Variants in JAM2 observed in about 807,000 individuals in gnomAD.
JAM2 encodes junctional adhesion molecule B.
JAM2 carries 17 observed loss-of-function variants against 42.0 expected under a neutral mutation model. That is an observed-to-expected ratio of 0.40 (90% CI 0.28 to 0.61). The LOEUF is 0.61. Among genes scored for constraint, JAM2 ranks in the 20% least tolerant of loss-of-function variants. The probability of loss-of-function intolerance (pLI) is 0.37; values close to 1 mark genes in which losing one functional copy is unlikely to be tolerated. For synonymous variants in JAM2, 118 were observed against 128.6 expected (o/e 0.92, Z 0.56); for missense variants, 319 against 358.3 (o/e 0.89, Z 0.89).
intron 4 of JAM2, among the ~76,000 whole-genome samples, chr21:25,696,143 C>T (rs540007135): frequency 2.0e-4 from 31 of 152,246 alleles, no homozygotes; most frequent in Admixed American, 1.6e-3. Flanking sequence ...CCCGGCACCT[C>T]GGGAGGCCGA....
At chr21:25,686,956 G>A (rs2033764656) in intron 2 of JAM2, among the ~76,000 whole-genome samples, 2 of 152,188 alleles carry the variant, frequency 1.3e-5, no homozygotes, top group Non-Finnish European at 2.9e-5. Flanking sequence ...TAGATATTTT[G>A]GCAATGAAAT....
At chr21:25,646,176 C>T (rs1262158653) in intron 1 of JAM2, among the ~76,000 whole-genome samples, 1 of 152,112 alleles carries the variant, frequency 6.6e-6, no homozygotes, top group Non-Finnish European at 1.5e-5. Context: ...ATCTGTGGGA[C>T]CACTGATATG....
chr21:25,680,704 G>C (rs1443485532), intron 1 of JAM2, among the ~76,000 whole-genome samples: 1 of 152,210 alleles, frequency 6.6e-6, no homozygotes, highest in African/African-American at 2.4e-5. Flanking sequence ...ATAAATGCTA[G>C]TTGGGTCAAT....
intron 4 of JAM2, among the ~76,000 whole-genome samples, chr21:25,697,203 C>A (rs1207498679): frequency 1.3e-5 from 2 of 152,174 alleles, no homozygotes; most frequent in Middle Eastern, 3.4e-3. Flanking sequence ...AGAAAACTCT[C>A]TGCTTTTAAA....
At chr21:25,691,139 CATGTT>C (rs2033871892) in intron 3 of JAM2, among the ~76,000 whole-genome samples, 1 of 152,110 alleles carries the variant, frequency 6.6e-6, no homozygotes, top group African/African-American at 2.4e-5. Flanking sequence ...TTAAAATAAA[CATGTT>C]ATGATTTTAA....
chr21:25,641,790 G>A (rs988028815), intron 1 of JAM2, among the ~76,000 whole-genome samples: 1 of 152,026 alleles, frequency 6.6e-6, no homozygotes, highest in Non-Finnish European at 1.5e-5. Context: ...TGCCATCCAG[G>A]CTACCATATT....
rs528381213 is a variant in JAM2, at chr21:25,702,104, G to A, written c.598-66G>A. 10 of 781,966 alleles carry A rather than the reference G, an allele frequency of 1.3e-5. 1 individual carries two copies. Among genetic ancestry groups the A allele is most frequent in the African/African-American group, 1.0e-4 (6 of 58,558 alleles). 48.4% of individuals were successfully genotyped at this position (781,966 alleles called of 1,614,324 possible). On this transcript the variant is annotated intron_variant, in intron 5 of 9. Transcript: ENST00000480456. ...CTTAATGCTAAAATTTGAGGGACAG[G>A]GTTATTTAAAAAGTCTACTTATAGA...
intron 5 of JAM2, among the ~76,000 whole-genome samples, chr21:25,700,798 G>A (rs553883779): frequency 6.6e-6 from 1 of 152,376 alleles, no homozygotes; most frequent in East Asian, 1.9e-4. Flanking sequence ...CCTATTGGAT[G>A]CAGTTACTTC....
At chr21:25,658,962 G>A (rs553359358) in intron 1 of JAM2, among the ~76,000 whole-genome samples, 48 of 152,144 alleles carry the variant, frequency 3.2e-4, no homozygotes, top group Non-Finnish European at 6.0e-4. Flanking sequence ...GAACATGCTG[G>A]AAAGTACCAA....
chr21:25,676,440 G>C (rs1016239116), intron 1 of JAM2, among the ~76,000 whole-genome samples: 73 of 151,524 alleles, frequency 4.8e-4, no homozygotes, highest in Non-Finnish European at 5.4e-4. Context: ...TATATTCTTA[G>C]TCAAACCAGA....
chr21:25,700,082 A>C (rs1046594685), intron 5 of JAM2, among the ~76,000 whole-genome samples: 1 of 152,182 alleles, frequency 6.6e-6, no homozygotes, highest in African/African-American at 2.4e-5. Flanking sequence ...TCTTATTGAA[A>C]GACTTTCTAG....
At position 25,698,650 on chromosome 21, in the gene JAM2, C is replaced by T. The variant is rs1462075277; in HGVS notation, c.395-27C>T. 3 of 1,577,894 alleles carry T rather than the reference C, an allele frequency of 1.9e-6. No individual in the cohort carries two copies. The African/African-American group carries it at 4.1e-5, about 21-fold the overall frequency. On this transcript the variant is annotated intron_variant, in intron 4 of 9. Coordinates refer to ENST00000480456, the MANE Select transcript of JAM2 (RefSeq NM_021219.4). Reference sequence around the variant, plus strand: ...CAACCTTGATTAGCTTATAAATAATCAATATCATTTGACTTCCATTGTTCA... The same window carrying T: ...CAACCTTGATTAGCTTATAAATAATTAATATCATTTGACTTCCATTGTTCA...
At chr21:25,658,639 T>C (rs962291615) in intron 1 of JAM2, among the ~76,000 whole-genome samples, 1 of 152,112 alleles carries the variant, frequency 6.6e-6, no homozygotes, top group Non-Finnish European at 1.5e-5. Flanking sequence ...AATTGTTATC[T>C]AGAGGTCAGG....
chr21:25,691,924 G>A (rs2033889689), intron 3 of JAM2, among the ~76,000 whole-genome samples: 1 of 151,966 alleles, frequency 6.6e-6, no homozygotes, highest in South Asian at 2.1e-4. Context: ...AGATGCTTGG[G>A]AGGCTGAGGC....
intron 9 of JAM2, among the ~76,000 whole-genome samples, chr21:25,712,812 G>A (rs2034410622): frequency 6.6e-6 from 1 of 152,174 alleles, no homozygotes. Flanking sequence ...GTGGTTCTAG[G>A]ACTCACCTTT....
rs181972870 is a variant in JAM2 at position 25,691,970 on chromosome 21, C to T, written c.242-1786C>T. On this transcript the variant is annotated intron_variant, in intron 3 of 9. Coordinates refer to ENST00000480456, the MANE Select transcript of JAM2 (RefSeq NM_021219.4). ...CTTGCAGTAAGCCAAGATCACGCCA[C>T]TGCACTCCAGCCTGGGCAACAGAGC... is the stretch of plus-strand genomic sequence containing the variant. Among the ~76,000 whole-genome samples the T allele has an allele frequency of 1.2e-4, 18 of 151,170 alleles. 1 individual carries two copies. In the East Asian group the frequency reaches 1.4e-3, roughly 11 times the overall value.
intron 4 of JAM2, among the ~76,000 whole-genome samples, chr21:25,696,385 G>A (rs906092746): frequency 3.9e-5 from 6 of 152,132 alleles, no homozygotes; most frequent in African/African-American, 9.7e-5. Flanking sequence ...GTGGGGAGAC[G>A]GAGACAGAGA....
intron 4 of JAM2, among the ~76,000 whole-genome samples, chr21:25,697,008 T>A (rs76695180): frequency 1.1e-5 from 1 of 88,992 alleles, no homozygotes; most frequent in Non-Finnish European, 2.1e-5. Context: ...CACACACCTA[T>A]TTTTTTTTTT....
intron 4 of JAM2, among the ~76,000 whole-genome samples, chr21:25,694,975 TTTC>T: frequency 7.0e-6 from 1 of 142,912 alleles, no homozygotes; most frequent in East Asian, 1.9e-4. Context: ...TTCCTTTTTC[TTTC>T]TTTTTTTTTT....
Sources: gnomAD v4.1 joint callset for allele counts (sites outside exome capture counted in the v4.1 genomes callset) on GRCh38, gnomAD v4.1.1 for gene constraint, MANE v1.5 for transcripts, NCBI Gene and HGNC (gene_info 2026-07-23, HGNC 2026-07-21) for gene names.